The following NCKAP5 variants were observed in gnomAD, a reference collection of about 807,000 sequenced individuals.
The protein encoded by NCKAP5 is nck-associated protein 5.
A neutral mutation model predicts 167.0 loss-of-function variants in NCKAP5; 92 were observed. The observed-to-expected ratio is 0.55, with a 90% confidence interval of 0.47 to 0.66. NCKAP5 has a LOEUF of 0.66. NCKAP5 is among the 30% of genes least tolerant of loss of function. The pLI is 0.00. For missense variants in NCKAP5, 2,378 were observed against 2,315.0 expected, an observed-to-expected ratio of 1.03 and a Z score of -0.56; for synonymous variants, 891 against 877.4, an observed-to-expected ratio of 1.02 and a Z score of -0.27.
intron 11 of NCKAP5, among the ~76,000 whole-genome samples, chr2:132,832,196 T>C (rs1405692594): frequency 2.0e-5 from 3 of 152,158 alleles, no homozygotes; most frequent in Non-Finnish European, 4.4e-5. Context: ...ATTTTTGGAA[T>C]ATTATCTTTA....
chr2:132,683,703 C>T (rs1685562207), intron 19 of NCKAP5, among the ~76,000 whole-genome samples: 1 of 152,194 alleles, frequency 6.6e-6, no homozygotes. Context: ...ATTCTTTCTT[C>T]AGCCAGCAAG....
chr2:132,795,505 A>G (rs746137009), intron 12 of NCKAP5, among the ~76,000 whole-genome samples: 7 of 152,180 alleles, frequency 4.6e-5, no homozygotes, highest in Non-Finnish European at 1.0e-4. Flanking sequence ...TATAAAATCT[A>G]CAATTTTAGT....
chr2:132,923,393 C>T (rs1188068050), intron 8 of NCKAP5, among the ~76,000 whole-genome samples: 1 of 152,164 alleles, frequency 6.6e-6, no homozygotes, highest in Non-Finnish European at 1.5e-5. Flanking sequence ...ACAGCTCACT[C>T]AGAGAGGCAC....
At chr2:133,082,079 AT>A (rs2080829664) in intron 6 of NCKAP5, among the ~76,000 whole-genome samples, 1 of 151,944 alleles carries the variant, frequency 6.6e-6, no homozygotes, top group South Asian at 2.1e-4. Flanking sequence ...TTGTGCCCCA[AT>A]TTGTGTCTAT....
intron 6 of NCKAP5, among the ~76,000 whole-genome samples, chr2:133,110,569 T>TA: frequency 6.6e-6 from 1 of 152,164 alleles, no homozygotes; most frequent in Non-Finnish European, 1.5e-5. Context: ...AAAAGCAGAA[T>TA]ATCATTCCAG....
At chr2:133,629,298 C>A in the NCKAP5 span, among the ~76,000 whole-genome samples, 1 of 151,676 alleles carries the variant, frequency 6.6e-6, no homozygotes, top group Admixed American at 6.6e-5. Flanking sequence ...CAGGAAAAAA[C>A]AGCCCATTAA....
intron 6 of NCKAP5, among the ~76,000 whole-genome samples, chr2:132,996,855 C>T (rs1001659098): frequency 7.9e-5 from 12 of 152,200 alleles, no homozygotes; most frequent in African/African-American, 2.2e-4. Context: ...CATTGGGGCC[C>T]ACCATGAAGA....
At chr2:133,169,066 G>T in intron 5 of NCKAP5, among the ~76,000 whole-genome samples, 1 of 152,086 alleles carries the variant, frequency 6.6e-6, no homozygotes, top group East Asian at 1.9e-4. Flanking sequence ...CAGCATAAGG[G>T]GGACTATACA....
chr2:132,752,982 C>A (rs1343376812), intron 16 of NCKAP5, among the ~76,000 whole-genome samples: 1 of 152,138 alleles, frequency 6.6e-6, no homozygotes, highest in Non-Finnish European at 1.5e-5. Flanking sequence ...TCTACTTGGG[C>A]CTTCAACTGA....
At chr2:133,192,444 C>T (rs1226088910) in intron 5 of NCKAP5, among the ~76,000 whole-genome samples, 1 of 151,986 alleles carries the variant, frequency 6.6e-6, no homozygotes, top group East Asian at 1.9e-4. Flanking sequence ...TGTGAAATAT[C>T]CATGTTAAGA....
intron 6 of NCKAP5, among the ~76,000 whole-genome samples, chr2:133,128,945 A>AT (rs10584100): frequency 0.096 from 12,463 of 129,926 alleles, 731 homozygotes; most frequent in Non-Finnish European, 0.13. Flanking sequence ...AAACTCACTG[A>AT]TTTTTTTTTT....
rs1392878119 is a variant in NCKAP5 at position 132,785,531 on chromosome 2, T to G, written c.1280A>C (p.Lys427Thr). 2 of 1,609,200 alleles carry G rather than the reference T, an allele frequency of 1.2e-6. No individual in the cohort carries two copies. Among genetic ancestry groups the G allele is most frequent in the East Asian group, 2.2e-5 (1 of 44,840 alleles). The part of the protein sequence containing the change: ...PPSVITKWGY[K>T]DCMNSNEGIY... ...TCCTTCATTCGAGTTCATGCAATCTTTATAACCCCATTTGGTTATCACTGA... is the reference window on the plus strand; with the variant it reads ...TCCTTCATTCGAGTTCATGCAATCTGTATAACCCCATTTGGTTATCACTGA... Residue 427 changes from lysine to threonine, a missense_variant, in exon 14 of 20, where the codon AAA becomes ACA. Lys to Thr is a moderately conservative substitution (Grantham distance 78). This residue lies in a region of NCKAP5 where 1,049 missense variants were observed against 1,023.4 expected (regional missense o/e 1.02). Transcript: ENST00000409261.
chr2:133,377,091 T>C (rs769461100), intron 3 of NCKAP5, among the ~76,000 whole-genome samples: 3 of 152,094 alleles, frequency 2.0e-5, no homozygotes, highest in Non-Finnish European at 4.4e-5. Flanking sequence ...TACAGATGAG[T>C]GTCTTGTCTG....
At chr2:133,642,589 G>T in the NCKAP5 span, among the ~76,000 whole-genome samples, 1 of 152,172 alleles carries the variant, frequency 6.6e-6, no homozygotes, top group African/African-American at 2.4e-5. Context: ...ATAACTAAAG[G>T]ATGGTCTTCA....
chr2:133,672,174 G>A, the NCKAP5 span, among the ~76,000 whole-genome samples: 2 of 152,148 alleles, frequency 1.3e-5, no homozygotes, highest in Non-Finnish European at 2.9e-5. Context: ...GAAGAGTCAG[G>A]GAAAAAGACT....
chr2:133,150,292 G>A (rs572506162), intron 5 of NCKAP5, among the ~76,000 whole-genome samples: 4 of 152,236 alleles, frequency 2.6e-5, no homozygotes, highest in Non-Finnish European at 5.9e-5. Flanking sequence ...GCGGATACCT[G>A]CCTGTCAGTC....
chr2:133,555,003 T>G (rs1432089887), intron 2 of NCKAP5, among the ~76,000 whole-genome samples: 7 of 152,152 alleles, frequency 4.6e-5, no homozygotes, highest in Non-Finnish European at 1.0e-4. Flanking sequence ...TTGGTGTTAT[T>G]TGGCCACCTC....
intron 7 of NCKAP5, among the ~76,000 whole-genome samples, chr2:132,980,240 C>T (rs1278960790): frequency 6.6e-6 from 1 of 152,060 alleles, no homozygotes; most frequent in Admixed American, 6.6e-5. Flanking sequence ...AATCTGCCTG[C>T]CTCAGCCTCC....
chr2:133,147,067 C>T (rs1311571892), intron 5 of NCKAP5, among the ~76,000 whole-genome samples: 1 of 152,128 alleles, frequency 6.6e-6, no homozygotes, highest in African/African-American at 2.4e-5. Flanking sequence ...AAAACACTTT[C>T]TATTTTTTGA....
Sources: allele counts gnomAD v4.1 joint callset (sites outside exome capture counted in the v4.1 genomes callset), GRCh38; gene constraint gnomAD v4.1.1; regional missense constraint gnomAD v4.1.1; transcripts MANE v1.5; gene names NCBI Gene and HGNC (gene_info 2026-07-23, HGNC 2026-07-21).